LYG2: variants seen among roughly 807,000 people sequenced by gnomAD.
The protein encoded by LYG2 is lysozyme g2, also known as lysozyme g-like protein 2.
Under a neutral mutation model 22.4 loss-of-function variants are expected in LYG2, and 25 were observed. That is an observed-to-expected ratio of 1.12 (90% CI 0.81 to 1.56). LYG2 has a LOEUF of 1.56. Ranked by LOEUF, LYG2 falls within the 40% of genes most tolerant of loss-of-function variation. The pLI, the probability that LYG2 is intolerant of heterozygous loss-of-function variation, is 0.00. For missense variants in LYG2, 266 were observed against 269.5 expected (o/e 0.99, Z 0.09); for synonymous variants, 88 against 97.0 (o/e 0.91, Z 0.55).
chr2:99,247,179 A>C (rs967198291), intron 3 of LYG2, among the ~76,000 whole-genome samples: 10 of 152,170 alleles, frequency 6.6e-5, no homozygotes, highest in African/African-American at 2.4e-4. Context: ...TGCAGGCACC[A>C]ACACCTGGGC....
Position 99,245,301 on chromosome 2 carries a change from G to T in LYG2, c.342C>A (p.Asp114Glu), listed in dbSNP as rs201851771. The T allele has an allele frequency of 1.2e-6, 2 of 1,609,632 alleles. No homozygotes were observed. The highest frequency in any genetic ancestry group is 1.7e-6 in the Non-Finnish European group (2 of 1,177,770). The part of the protein sequence containing the change: ...RESHGGSVLQ[D>E]GWDHRGLKFG... ...ATTTAAGTCCCCTGTGGTCCCAGCC[G>T]TCTTGCAGGACAGATCCGCCATGGC... The change falls in exon 5 of 7, where the codon GAC (aspartate) becomes GAA (glutamate). Residue 114 changes from aspartate to glutamate, a missense_variant. Asp to Glu is a conservative substitution (Grantham distance 45). Transcript: ENST00000333017.
chr2:99,246,217 G>A (rs1163791377), intron 4 of LYG2, among the ~76,000 whole-genome samples: 3 of 152,200 alleles, frequency 2.0e-5, no homozygotes, highest in African/African-American at 7.2e-5. Context: ...CTGTTCTATT[G>A]GGAAGTATTC....
the LYG2 span, among the ~76,000 whole-genome samples, chr2:99,260,769 CAGG>C: frequency 2.0e-5 from 3 of 152,046 alleles, no homozygotes; most frequent in Non-Finnish European, 2.9e-5. Context: ...TGGCCTGAGG[CAGG>C]AATGGGACTG....
At chr2:99,246,883 T>A in intron 3 of LYG2, 63 bp from the exon 4 acceptor site, 1 of 1,481,838 alleles carries the variant, frequency 6.7e-7, no homozygotes, top group South Asian at 1.3e-5. Context: ...GTTGCTGCAA[T>A]AAACATCACT....
chr2:99,255,782 A>G (rs1024005695), upstream of LYG2, among the ~76,000 whole-genome samples: 9 of 152,212 alleles, frequency 5.9e-5, no homozygotes, highest in African/African-American at 1.9e-4. Flanking sequence ...TAGGAGATCA[A>G]TGCAAAACCA....
chr2:99,257,947 G>C (rs1339039279), upstream of LYG2, among the ~76,000 whole-genome samples: 1 of 152,174 alleles, frequency 6.6e-6, no homozygotes, highest in African/African-American at 2.4e-5. Flanking sequence ...TTCCTGGCAA[G>C]ACTTCTCAAT....
At chr2:99,261,439 A>G in the LYG2 span, among the ~76,000 whole-genome samples, 1 of 152,154 alleles carries the variant, frequency 6.6e-6, no homozygotes, top group Non-Finnish European at 1.5e-5. Context: ...GCCCTTTCCC[A>G]AGTGCTTGCT....
chr2:99,249,426 CAAA>C (rs74617660), intron 3 of LYG2, among the ~76,000 whole-genome samples: 1 of 92,618 alleles, frequency 1.1e-5, no homozygotes, highest in Non-Finnish European at 2.3e-5. Flanking sequence ...TCTCAAATCT[CAAA>C]AAAAAAAAAA....
At position 99,242,398 on chromosome 2, in the gene LYG2, G is replaced by A. The variant is rs1481014533; in HGVS notation, c.605C>T (p.Ala202Val). The part of the protein sequence containing the change: ...IDNDFVNDII[A>V]RAKFYKRQSF ...TTGTCTTTTATAGAACTTAGCTCGA[G>A]CAATGATATCATTGACGAAGTCATT... The change falls in exon 7 of 7, where the codon GCT (alanine) becomes GTT (valine). Residue 202 changes from alanine to valine, a missense_variant. Ala to Val is a moderately conservative substitution (Grantham distance 64). Coordinates refer to ENST00000333017, the MANE Select transcript of LYG2 (RefSeq NM_175735.4). 1.9e-6 allele frequency: 3 copies of A among 1,613,308 alleles called. No homozygotes were observed. In the African/African-American group the frequency reaches 4.0e-5, roughly 22 times the overall value.
At chr2:99,252,477 G>A (rs1432248397) in intron 3 of LYG2, among the ~76,000 whole-genome samples, 1 of 151,834 alleles carries the variant, frequency 6.6e-6, no homozygotes, top group East Asian at 1.9e-4. Flanking sequence ...AATTTCATTA[G>A]GTCAGATACT....
At chr2:99,249,191 C>T (rs1260985181) in intron 3 of LYG2, among the ~76,000 whole-genome samples, 1 of 152,110 alleles carries the variant, frequency 6.6e-6, no homozygotes, top group South Asian at 2.1e-4. Flanking sequence ...GAGGCTGAGG[C>T]AGGACGATTG....
chr2:99,257,860 G>C (rs891779588), upstream of LYG2, among the ~76,000 whole-genome samples: 1 of 152,190 alleles, frequency 6.6e-6, no homozygotes, highest in South Asian at 2.1e-4. Context: ...AAGCAGTACT[G>C]TCCTAGTTAG....
intron 4 of LYG2, among the ~76,000 whole-genome samples, 169 bp from the exon 5 acceptor site, chr2:99,245,627 AAAG>A (rs2094014738): frequency 6.6e-6 from 1 of 151,658 alleles, no homozygotes; most frequent in Admixed American, 6.6e-5. Flanking sequence ...AAAAAAAAAA[AAAG>A]AATTTAAAGT....
chr2:99,246,119 A>C (rs2094015702), intron 4 of LYG2, among the ~76,000 whole-genome samples: 1 of 152,162 alleles, frequency 6.6e-6, no homozygotes, highest in African/African-American at 2.4e-5. Context: ...CACACAAAAA[A>C]AATTCTGCCA....
At chr2:99,256,677 C>T (rs1473497121), upstream of LYG2, among the ~76,000 whole-genome samples, 1 of 152,218 alleles carries the variant, frequency 6.6e-6, no homozygotes, top group African/African-American at 2.4e-5. Context: ...ACATTTAAAG[C>T]ACTGTTGAAT....
chr2:99,246,721 G>A lies in LYG2; in HGVS notation c.143C>T (p.Thr48Ile). The change falls in exon 4 of 7, where the codon ACC becomes ATC. Residue 48 changes from threonine to isoleucine, a missense_variant. Coordinates refer to ENST00000333017, the MANE Select transcript of LYG2 (RefSeq NM_175735.4). The part of the protein sequence containing the change: ...GCYGDIMTMK[T>I]SGATCDANSV... ...GTTTGCATCACAAGTGGCCCCAGAG[G>A]TCTTCATGGTCATGATGTCCCCATA... is the stretch of plus-strand genomic sequence containing the variant. The A allele has an allele frequency of 2.5e-6, 4 of 1,614,166 alleles. No individual in the cohort carries two copies. The highest frequency in any genetic ancestry group is 3.4e-6 in the Non-Finnish European group (4 of 1,180,018).
At chr2:99,261,283 GC>G in the LYG2 span, among the ~76,000 whole-genome samples, 3 of 152,174 alleles carry the variant, frequency 2.0e-5, no homozygotes, top group Non-Finnish European at 4.4e-5. Flanking sequence ...CTATCATGGG[GC>G]CAGTGGGAAG....
chr2:99,244,407 C>T (rs2094012148), intron 5 of LYG2, among the ~76,000 whole-genome samples: 1 of 152,088 alleles, frequency 6.6e-6, no homozygotes, highest in Non-Finnish European at 1.5e-5. Context: ...AAAGTCTACA[C>T]ATTTATAGTA....
upstream of LYG2, among the ~76,000 whole-genome samples, chr2:99,260,247 G>A (rs2094044855): frequency 6.6e-6 from 1 of 152,176 alleles, no homozygotes; most frequent in Admixed American, 6.5e-5. Context: ...ACAGGCATGA[G>A]CCACCGTGCC....
Sources: gnomAD v4.1 joint callset for allele counts (sites outside exome capture counted in the v4.1 genomes callset) on GRCh38, gnomAD v4.1.1 for gene constraint, MANE v1.5 for transcripts, NCBI Gene and HGNC (gene_info 2026-07-23, HGNC 2026-07-21) for gene names.